HUWE1: variants seen among roughly 807,000 people sequenced by gnomAD.
The protein encoded by HUWE1 is E3 ubiquitin-protein ligase HUWE1.
HUWE1 carries 18 observed loss-of-function variants against 299.4 expected under a neutral mutation model. That is an observed-to-expected ratio of 0.06 (90% CI 0.04 to 0.09). The LOEUF (loss-of-function observed/expected upper bound fraction) is 0.09. HUWE1 is among the 10% of genes least tolerant of loss of function. The pLI, the probability that HUWE1 is intolerant of heterozygous loss-of-function variation, is 1.00. For missense variants in HUWE1, 1,832 were observed against 3,462.3 expected (o/e 0.53, Z 11.82); for synonymous variants, 1,317 against 1,286.1 (o/e 1.02, Z -0.51).
At position 53,581,039 on chromosome X, in the gene HUWE1, G is replaced by A; in HGVS notation, c.5521-13C>T. On this transcript the variant is annotated splice_polypyrimidine_tract_variant and intron_variant, in intron 42 of 83. Coordinates refer to ENST00000262854, the MANE Select transcript of HUWE1 (RefSeq NM_031407.7). ...CTGAGCGAACAACCTAGTAAAGAGA[G>A]AAAGAAACACTGTCGATTAAACACT... The A allele has an allele frequency of 1.7e-6, 2 of 1,171,476 alleles. No individual in the cohort carries two copies. The highest frequency in any genetic ancestry group is 2.3e-6 in the Non-Finnish European group (2 of 865,019).
chrX:53,564,790 G>A (rs782721688), intron 50 of HUWE1, 68 bp from the exon 51 acceptor site: 22 of 1,166,305 alleles, frequency 1.9e-5, no homozygotes, highest in South Asian at 5.4e-5. Flanking sequence ...TGAGGCAAGC[G>A]CAAAGACAAT....
At chrX:53,657,174 A>T (rs1302895523) in intron 3 of HUWE1, among the ~76,000 whole-genome samples, 1 of 112,628 alleles carries the variant, frequency 8.9e-6, no homozygotes, top group Admixed American at 9.4e-5. Context: ...CAATCTCAGT[A>T]AACTAGGAAT....
At chrX:53,613,248 T>C (rs1261331332) in intron 23 of HUWE1, among the ~76,000 whole-genome samples, 2 of 111,867 alleles carry the variant, frequency 1.8e-5, no homozygotes, top group African/African-American at 3.3e-5. Context: ...ATATACTTAG[T>C]AGTTAATGCC....
At chrX:53,566,133 G>GTGTATATATATATATATATGTA (rs782815282) in intron 49 of HUWE1, among the ~76,000 whole-genome samples, 4 of 38,987 alleles carry the variant, frequency 1.0e-4, no homozygotes, top group Non-Finnish European at 1.4e-4. Flanking sequence ...GTGTGTGTGT[G>GTGTATATATATATATATATGTA]TATATATATA....
chrX:53,541,511 T>C (rs1265890118), intron 74 of HUWE1, among the ~76,000 whole-genome samples: 1 of 111,281 alleles, frequency 9.0e-6, no homozygotes, highest in Non-Finnish European at 1.9e-5. Context: ...GGAGAATCAC[T>C]TGAATCCAGG....
intron 2 of HUWE1, chrX:53,684,304 G>T: frequency 7.8e-6 from 1 of 128,941 alleles, no homozygotes; most frequent in Non-Finnish European, 1.6e-5. Context: ...GATATCGCGA[G>T]ACCTGGTGCA....
intron 25 of HUWE1, among the ~76,000 whole-genome samples, chrX:53,606,058 C>G (rs1450214014): frequency 9.0e-6 from 1 of 111,207 alleles, no homozygotes; most frequent in Non-Finnish European, 1.9e-5. Flanking sequence ...TTTGTGGACA[C>G]GACACCAAAA....
chrX:53,585,224 T>G (rs1556972221), intron 39 of HUWE1, 36 bp from the exon 40 acceptor site: 1 of 1,185,404 alleles, frequency 8.4e-7, no homozygotes. Flanking sequence ...TTGTATTTCT[T>G]TCAAGGTTGA....
At chrX:53,557,166 AG>A (rs1556935742) in intron 60 of HUWE1, 1 of 539,795 alleles carries the variant, frequency 1.9e-6, no homozygotes, top group African/African-American at 2.3e-5. Flanking sequence ...ACCTGAACAG[AG>A]CCAGTCGGAG....
Position 53,610,362 on chromosome X carries a change from T to C in HUWE1, c.2262-1453A>G, listed in dbSNP as rs376819752. 1.4e-4 allele frequency among the ~76,000 whole-genome samples: 16 copies of C among 111,981 alleles called. No individual in the cohort carries two copies. In the East Asian group the frequency reaches 2.0e-3, roughly 14 times the overall value. ...TCTTAATATAATTTCAGGAATAAAT[T>C]TGTTCAGTAACCACTTTTCTCCTTC... On this transcript the variant is annotated intron_variant, in intron 23 of 83. Coordinates refer to ENST00000262854, the MANE Select transcript of HUWE1 (RefSeq NM_031407.7).
In HUWE1 at chrX:53,618,845, G is replaced by C. The variant is rs1420377026; in HGVS notation, c.1673-1399C>G. Among the ~76,000 whole-genome samples, 4 of 108,230 alleles carry C rather than the reference G, an allele frequency of 3.7e-5. No individual in the cohort carries two copies. The Admixed American group carries it at 3.9e-4, about 11-fold the overall frequency. 94.0% of individuals were successfully genotyped at this position (108,230 alleles called of 115,157 possible). On this transcript the variant is annotated intron_variant, in intron 19 of 83. Transcript: ENST00000262854. ...CCCAAAGTACTGGGATTATAGGCGT[G>C]AGCCACCGTGCCCGTTCCAGAATTT... is the stretch of plus-strand genomic sequence containing the variant.
Position 53,538,457 on chromosome X carries a change from G to A in HUWE1, c.11879-3C>T, listed in dbSNP as rs782448336. The stretch of plus-strand genomic sequence containing the variant: ...GTTTAACACAGTGCGGTGAGTCTCT[G>A]AGGGGAGAAGTGACAGCAGGAATTA... On this transcript the variant is annotated splice_region_variant and splice_polypyrimidine_tract_variant and intron_variant, in intron 76 of 83. Transcript: ENST00000262854. The A allele has an allele frequency of 1.7e-6, 2 of 1,154,788 alleles. No homozygotes were observed. The highest frequency in any genetic ancestry group is 3.6e-5 in the African/African-American group (2 of 56,116).
intron 7 of HUWE1, among the ~76,000 whole-genome samples, chrX:53,637,890 A>T (rs1373089898): frequency 8.9e-6 from 1 of 111,851 alleles, no homozygotes; most frequent in Non-Finnish European, 1.9e-5. Context: ...TTTCGCTGCC[A>T]ACAAAATCAA....
chrX:53,635,223 T>C (rs1557025723), intron 7 of HUWE1, among the ~76,000 whole-genome samples: 1 of 109,581 alleles, frequency 9.1e-6, no homozygotes, highest in African/African-American at 3.3e-5. Flanking sequence ...AAAAGATATT[T>C]TGTATATTTT....
intron 73 of HUWE1, 151 bp from the exon 74 acceptor site, chrX:53,542,690 A>C: frequency 6.1e-6 from 3 of 488,068 alleles, no homozygotes; most frequent in Non-Finnish European, 1.1e-5. Context: ...TCCAGGACAA[A>C]AGGATGCCTT....
At chrX:53,611,530 T>C (rs1331898074) in intron 23 of HUWE1, among the ~76,000 whole-genome samples, 1 of 111,684 alleles carries the variant, frequency 9.0e-6, no homozygotes, top group East Asian at 2.8e-4. Context: ...GCAGGGAAAC[T>C]GGAAATGTAA....
chrX:53,540,970 T>C (rs889307787), intron 74 of HUWE1, among the ~76,000 whole-genome samples: 10 of 111,638 alleles, frequency 9.0e-5, no homozygotes, highest in African/African-American at 3.3e-4. Flanking sequence ...CATATGACCT[T>C]AGGTAAAAGA....
rs781787999 is a variant in HUWE1, at chrX:53,542,573, T to C, written c.11380-34A>G. On this transcript the variant is annotated intron_variant, in intron 73 of 83. Coordinates refer to ENST00000262854, the MANE Select transcript of HUWE1 (RefSeq NM_031407.7). ...AAGGGAGACAAAAATCACATAAGGG[T>C]GCAACTCTGCTTTCCTTAGAGACAG... is the stretch of plus-strand genomic sequence containing the variant. The C allele has an allele frequency of 4.2e-5, 40 of 943,423 alleles. No individual in the cohort carries two copies. In the South Asian group the frequency reaches 7.4e-4, roughly 17 times the overall value. The allele number at this position is 943,423 out of a possible 1,213,427, so 77.7% of individuals were successfully genotyped here. A position where few individuals can be genotyped will look rare whatever the true frequency, so the allele number is the denominator to read the frequency against.
At chrX:53,576,855 C>G in intron 44 of HUWE1, 45 bp downstream of exon 44, 2 of 1,197,263 alleles carry the variant, frequency 1.7e-6, no homozygotes, top group South Asian at 3.5e-5. Context: ...GGCAAAGTAA[C>G]ATATCCTCTA....
Sources: gnomAD v4.1 joint callset for allele counts (sites outside exome capture counted in the v4.1 genomes callset) on GRCh38, gnomAD v4.1.1 for gene constraint, MANE v1.5 for transcripts, NCBI Gene and HGNC (gene_info 2026-07-23, HGNC 2026-07-21) for gene names.